The following UBAP2L variants were observed in gnomAD, a reference collection of about 807,000 sequenced individuals.
The protein encoded by UBAP2L is ubiquitin associated protein 2 like.
Under a neutral mutation model 130.6 loss-of-function variants are expected in UBAP2L, and 12 were observed. The ratio of observed to expected loss-of-function variants is 0.09; its 90% CI spans 0.06 to 0.15. The LOEUF is 0.15. UBAP2L is among the 10% of genes least tolerant of loss of function. UBAP2L has a pLI of 1.00. For missense variants in UBAP2L, 965 were observed against 1,332.5 expected, an observed-to-expected ratio of 0.72 and a Z score of 4.29; for synonymous variants, 503 against 524.7, an observed-to-expected ratio of 0.96 and a Z score of 0.57.
chr1:154,233,559 G>C (rs1558134918), intron 4 of UBAP2L, among the ~76,000 whole-genome samples: 2 of 146,830 alleles, frequency 1.4e-5, no homozygotes, highest in Non-Finnish European at 2.9e-5. Context: ...TCCTGCCCTT[G>C]TGATCTGCCC....
chr1:154,258,964 C>G lies in UBAP2L; in HGVS notation c.2443-13C>G. On this transcript the variant is annotated splice_polypyrimidine_tract_variant and intron_variant, in intron 20 of 26. Transcript: ENST00000428931. ...ACCAGTTCCTGTTATTGCTATATGT[C>G]TGTATCTTTCAGCCACAAGTATATG... 6.2e-7 allele frequency: 1 copy of G among 1,612,830 alleles called. No homozygotes were observed. Among genetic ancestry groups the G allele is most frequent in the Non-Finnish European group, 8.5e-7 (1 of 1,179,122 alleles).
intron 20 of UBAP2L, 81 bp downstream of exon 20, chr1:154,257,515 C>T: frequency 6.9e-7 from 1 of 1,455,384 alleles, no homozygotes; most frequent in South Asian, 1.2e-5. Flanking sequence ...CAGATGGACC[C>T]CTGTGAATAC....
chr1:154,236,760 T>C, intron 7 of UBAP2L, 149 bp downstream of exon 7: 2 of 775,032 alleles, frequency 2.6e-6, no homozygotes, highest in Non-Finnish European at 4.3e-6. Flanking sequence ...CTTTACCACC[T>C]GGATCATTAC....
chr1:154,253,452 T>G (rs1205906700), intron 14 of UBAP2L, among the ~76,000 whole-genome samples: 1 of 150,284 alleles, frequency 6.7e-6, no homozygotes, highest in Non-Finnish European at 1.5e-5. Context: ...TGGCTTGATC[T>G]CGGCTCACTG....
intron 8 of UBAP2L, among the ~76,000 whole-genome samples, chr1:154,240,415 C>T (rs753127364): frequency 8.6e-5 from 13 of 151,994 alleles, no homozygotes; most frequent in African/African-American, 2.2e-4. Context: ...TCCCAGCTTC[C>T]GTATTACCAA....
chr1:154,254,391 C>T (rs1475163865), intron 15 of UBAP2L, among the ~76,000 whole-genome samples: 3 of 152,168 alleles, frequency 2.0e-5, no homozygotes, highest in Non-Finnish European at 4.4e-5. Flanking sequence ...GGGTGCGTGT[C>T]AGTAGACCTC....
chr1:154,249,116 C>G (rs1676646142), intron 11 of UBAP2L, 123 bp from the exon 12 acceptor site: 1 of 857,362 alleles, frequency 1.2e-6, no homozygotes, highest in Non-Finnish European at 1.9e-6. Context: ...GCTGTATACT[C>G]AGTGTGACAG....
chr1:154,228,241 G>T (rs916639445), intron 3 of UBAP2L, among the ~76,000 whole-genome samples: 16 of 151,428 alleles, frequency 1.1e-4, no homozygotes, highest in African/African-American at 3.4e-4. Flanking sequence ...AGGCTAGAGT[G>T]CAGTGGCGCA....
chr1:154,224,919 G>A (rs1220954079), intron 1 of UBAP2L, among the ~76,000 whole-genome samples, 165 bp from the exon 2 acceptor site: 1 of 152,328 alleles, frequency 6.6e-6, no homozygotes, highest in East Asian at 1.9e-4. Flanking sequence ...AACAGCCATA[G>A]CTCCTTAAGG....
intron 4 of UBAP2L, among the ~76,000 whole-genome samples, chr1:154,232,766 C>T (rs572414418): frequency 2.0e-5 from 3 of 152,178 alleles, no homozygotes; most frequent in Non-Finnish European, 2.9e-5. Flanking sequence ...CACATAACCA[C>T]GACTCACCGC....
chr1:154,267,321 A>G (rs1218029656), intron 25 of UBAP2L, among the ~76,000 whole-genome samples: 2 of 151,124 alleles, frequency 1.3e-5, no homozygotes, highest in Non-Finnish European at 1.5e-5. Context: ...GCGCCTGCTA[A>G]TTTTTGTATT....
chr1:154,256,478 A>T (rs1571900178), intron 18 of UBAP2L, among the ~76,000 whole-genome samples: 1 of 152,212 alleles, frequency 6.6e-6, no homozygotes, highest in Admixed American at 6.5e-5. Flanking sequence ...CTCCATAAAA[A>T]TTTTTTGAAG....
intron 23 of UBAP2L, 87 bp downstream of exon 23, chr1:154,261,196 A>C: frequency 7.1e-7 from 1 of 1,398,610 alleles, no homozygotes; most frequent in Non-Finnish European, 9.7e-7. Flanking sequence ...CAATGACTTT[A>C]ATAATGGATG....
chr1:154,269,283 T>G, intron 26 of UBAP2L: 1 of 1,319,152 alleles, frequency 7.6e-7, no homozygotes, highest in South Asian at 1.3e-5. Context: ...CCCTGACATT[T>G]TAGCTTTCCC....
In UBAP2L at chr1:154,233,651, CTG is replaced by C. The variant is rs61695071; in HGVS notation, c.280-914_280-913del. Among the ~76,000 whole-genome samples the C allele has an allele frequency of 6.8e-4, 100 of 146,062 alleles. 2 individuals carry two copies. The highest frequency in any genetic ancestry group is 1.9e-3 in the African/African-American group (74 of 38,582). On this transcript the variant is annotated intron_variant, in intron 4 of 26. Transcript: ENST00000428931. ...CAGCCTGATCTTTTAAATGAAATTG[CTG>C]TGTGTGTGTGTGTGTGTGTGTGTGT...
intron 4 of UBAP2L, among the ~76,000 whole-genome samples, chr1:154,232,388 G>A (rs1167090297): frequency 6.6e-6 from 1 of 151,468 alleles, no homozygotes; most frequent in Admixed American, 6.6e-5. Flanking sequence ...CATTTGTACA[G>A]GTTTTTTACA....
At chr1:154,268,719 A>T (rs1253951634) in intron 25 of UBAP2L, 38 bp from the exon 26 acceptor site, 3 of 1,604,900 alleles carry the variant, frequency 1.9e-6, no homozygotes, top group Non-Finnish European at 2.6e-6. Context: ...TAGTTTGCTG[A>T]TCCCTTTTAC....
Position 154,237,024 on chromosome 1 carries a change from A to G in UBAP2L, c.591A>G (p.Gly197=), listed in dbSNP as rs1671915544. Residue 197 remains glycine, a splice_region_variant and synonymous_variant, in exon 8 of 27, where the codon GGA becomes GGG. Coordinates refer to ENST00000428931, the MANE Select transcript of UBAP2L (RefSeq NM_014847.4). ...RGGRFSAQGM[G]TFNPADYAEP... ...GACTCTTAAGTTTTATTTTTTCCAGAACCTTTAACCCAGCTGATTATGCAG... is the reference window on the plus strand; with the variant it reads ...GACTCTTAAGTTTTATTTTTTCCAGGACCTTTAACCCAGCTGATTATGCAG... The G allele has an allele frequency of 6.2e-7, 1 of 1,612,830 alleles. No homozygotes were observed. The highest frequency in any genetic ancestry group is 1.7e-5 in the Admixed American group (1 of 59,794).
upstream of UBAP2L, chr1:154,220,267 CG>C (rs1470949823): frequency 1.3e-6 from 2 of 1,544,516 alleles, no homozygotes; most frequent in Non-Finnish European, 1.8e-6. Context: ...AGAATGCAGA[CG>C]GGGTACAGCT....
Sources: allele counts gnomAD v4.1 joint callset (sites outside exome capture counted in the v4.1 genomes callset), GRCh38; gene constraint gnomAD v4.1.1; transcripts MANE v1.5; gene names NCBI Gene and HGNC (gene_info 2026-07-23, HGNC 2026-07-21).